Variants in SMAD1 observed in about 807,000 individuals in gnomAD.
SMAD1 encodes MAD, mothers against decapentaplegic homolog 1.
In SMAD1, 6 loss-of-function variants were observed where a neutral mutation model predicts 41.6. The observed-to-expected ratio is 0.14, with a 90% CI of 0.08 to 0.28. The LOEUF is 0.28. SMAD1 is among the 10% of genes least tolerant of loss of function. The probability of loss-of-function intolerance (pLI) is 1.00; values close to 1 mark genes in which losing one functional copy is unlikely to be tolerated. For missense variants in SMAD1, 379 were observed against 582.6 expected (o/e 0.65, Z 3.60); for synonymous variants, 206 against 203.2 (o/e 1.01, Z -0.12).
intron 4 of SMAD1, chr4:145,544,329 C>G (rs559300670): frequency 1.3e-5 from 2 of 152,404 alleles, no homozygotes; most frequent in East Asian, 1.9e-4. Flanking sequence ...CCTGTAATCC[C>G]TAGCACTTTG....
intron 2 of SMAD1, among the ~76,000 whole-genome samples, chr4:145,524,835 C>T (rs1204509018): frequency 6.7e-6 from 1 of 149,268 alleles, no homozygotes; most frequent in Non-Finnish European, 1.5e-5. Context: ...TTTTGAAAAC[C>T]ATAGAAAAAC....
At position 145,542,635 on chromosome 4, in the gene SMAD1, G is replaced by GGCA. The variant is rs1732010803; in HGVS notation, c.714_715insAGC (p.Ser239dup). 2 of 1,613,528 alleles carry GGCA rather than the reference G, an allele frequency of 1.2e-6. No individual in the cohort carries two copies. The highest frequency in any genetic ancestry group is 2.2e-5 in the South Asian group (2 of 90,916). ...TCCTGAAGACCCCATGACCCAGGAT[G>GGCA]GCTCTCAGCCGATGGACACAAACAT... On this transcript the variant is annotated inframe_insertion, in exon 4 of 7. Transcript: ENST00000302085.
chr4:145,490,825 A>G (rs1728732295), intron 1 of SMAD1, among the ~76,000 whole-genome samples: 1 of 152,250 alleles, frequency 6.6e-6, no homozygotes, highest in African/African-American at 2.4e-5. Flanking sequence ...TAATGATTTT[A>G]AAGGTTAAGT....
intron 2 of SMAD1, among the ~76,000 whole-genome samples, chr4:145,536,205 A>G (rs1731604140): frequency 6.6e-6 from 1 of 152,148 alleles, no homozygotes; most frequent in Non-Finnish European, 1.5e-5. Flanking sequence ...CTTGGATGTA[A>G]CAGCATAACC....
intron 2 of SMAD1, among the ~76,000 whole-genome samples, chr4:145,516,182 A>G (rs1052208009): frequency 2.5e-4 from 38 of 152,320 alleles, no homozygotes; most frequent in African/African-American, 8.2e-4. Flanking sequence ...TCTGACGCTT[A>G]TCATTCTCAT....
intron 1 of SMAD1, among the ~76,000 whole-genome samples, chr4:145,492,665 C>G (rs557697810): frequency 1.2e-4 from 19 of 152,320 alleles, no homozygotes; most frequent in Admixed American, 5.2e-4. Context: ...CCCCTTGCCC[C>G]CTCCCTTGAG....
chr4:145,539,242 T>G (rs1731787238), intron 2 of SMAD1, among the ~76,000 whole-genome samples: 1 of 152,228 alleles, frequency 6.6e-6, no homozygotes, highest in African/African-American at 2.4e-5. Context: ...CACCTCATAT[T>G]TTGTATAATT....
At chr4:145,545,473 T>C (rs1732192099) in intron 4 of SMAD1, 1 of 152,186 alleles carries the variant, frequency 6.6e-6, no homozygotes, top group Non-Finnish European at 1.5e-5. Flanking sequence ...GGGAAGATAG[T>C]GTATGTTTTT....
chr4:145,558,748 T>C lies in SMAD1; in HGVS notation c.*814T>C, dbSNP rs570927248. Among the ~76,000 whole-genome samples, 1 of 152,324 alleles carries C rather than the reference T, an allele frequency of 6.6e-6. No homozygotes were observed. The highest frequency in any genetic ancestry group is 2.1e-4 in the South Asian group (1 of 4,828). The stretch of plus-strand genomic sequence containing the variant: ...ATCATTTTTTTCTCTCTCGGCATTC[T>C]TTTTTCTCATACTCTTCAAAAAGCA... On this transcript the variant is annotated 3_prime_UTR_variant, in exon 7 of 7. Coordinates refer to ENST00000302085, the MANE Select transcript of SMAD1 (RefSeq NM_005900.3).
At chr4:145,544,227 C>T (rs1732116925) in intron 4 of SMAD1, 1 of 152,082 alleles carries the variant, frequency 6.6e-6, no homozygotes, top group Admixed American at 6.6e-5. Flanking sequence ...TGGAAAATCA[C>T]TCTGTCTTAT....
In SMAD1 at chr4:145,546,807, G is replaced by A. The variant is rs1732277746; in HGVS notation, c.880G>A (p.Val294Met). Reference sequence around the variant, plus strand: ...AGCGTTCCATGCCTCCTCCACAAGTGTGTTGGTGGATGGTTTCACTGATCC... The same window carrying A: ...AGCGTTCCATGCCTCCTCCACAAGTATGTTGGTGGATGGTTTCACTGATCC... The part of the protein sequence containing the change: ...GEAFHASSTS[V>M]LVDGFTDPSN... The change falls in exon 5 of 7, where the codon GTG becomes ATG. Residue 294 changes from valine (V) to methionine (M), a missense_variant. Physicochemically the swap from Val to Met is conservative, Grantham distance 21 (BLOSUM62 1). Coordinates refer to ENST00000302085, the MANE Select transcript of SMAD1 (RefSeq NM_005900.3). 1.2e-6 allele frequency: 2 copies of A among 1,613,644 alleles called. No individual in the cohort carries two copies. Among genetic ancestry groups the A allele is most frequent in the African/African-American group, 1.3e-5 (1 of 75,028 alleles).
intron 6 of SMAD1, among the ~76,000 whole-genome samples, chr4:145,555,402 C>T (rs1433855679): frequency 6.6e-6 from 1 of 152,064 alleles, no homozygotes; most frequent in African/African-American, 2.4e-5. Context: ...GTTTTTTCTG[C>T]CATTTTAACT....
At chr4:145,501,962 T>C (rs1729469063) in intron 1 of SMAD1, among the ~76,000 whole-genome samples, 1 of 152,186 alleles carries the variant, frequency 6.6e-6, no homozygotes, top group African/African-American at 2.4e-5. Context: ...TCAAACAATT[T>C]CGTTTATTAG....
chr4:145,510,093 G>A (rs1209780625), intron 1 of SMAD1, among the ~76,000 whole-genome samples: 1 of 152,150 alleles, frequency 6.6e-6, no homozygotes, highest in Admixed American at 6.5e-5. Context: ...TGCCATGACA[G>A]CTATTTATAA....
At chr4:145,481,503 A>G (rs963094895), upstream of SMAD1, 1 of 152,178 alleles carries the variant, frequency 6.6e-6, no homozygotes, top group African/African-American at 2.4e-5. Flanking sequence ...ATCGAAATTC[A>G]CTTGCAGATA....
rs1340306842 is a variant in SMAD1, at chr4:145,558,460, A to G, written c.*526A>G. Among the ~76,000 whole-genome samples, 1 of 152,188 alleles carries G rather than the reference A, an allele frequency of 6.6e-6. No individual in the cohort carries two copies. Among genetic ancestry groups the G allele is most frequent in the Admixed American group, 6.5e-5 (1 of 15,272 alleles). On this transcript the variant is annotated 3_prime_UTR_variant, in exon 7 of 7. Coordinates refer to ENST00000302085, the MANE Select transcript of SMAD1 (RefSeq NM_005900.3). Reference sequence around the variant, plus strand: ...AAGGTTAATCTTGATGATATACATAATAATCTTTCTAAAATTGTATGCTGA... The same window carrying G: ...AAGGTTAATCTTGATGATATACATAGTAATCTTTCTAAAATTGTATGCTGA...
rs553768536 is a variant in SMAD1, at chr4:145,504,464, G to A, written c.-176-9974G>A. 1.0e-3 allele frequency among the ~76,000 whole-genome samples: 158 copies of A among 152,250 alleles called. 2 individuals carry two copies. Among genetic ancestry groups the A allele is most frequent in the Admixed American group, 2.7e-3 (42 of 15,306 alleles). ...TATTTATCATTTTCCTTAAGGAGCT[G>A]TACAATAATCTTTCATGCTTTTTGT... On this transcript the variant is annotated intron_variant, in intron 1 of 6. Coordinates refer to ENST00000302085, the MANE Select transcript of SMAD1 (RefSeq NM_005900.3).
intron 2 of SMAD1, among the ~76,000 whole-genome samples, chr4:145,526,555 A>C (rs1178838647): frequency 6.6e-6 from 1 of 152,204 alleles, no homozygotes; most frequent in Non-Finnish European, 1.5e-5. Flanking sequence ...TGATGGGAGC[A>C]TGTCACAAGG....
At chr4:145,480,939 T>G (rs1324960975), upstream of SMAD1, among the ~76,000 whole-genome samples, 3 of 148,304 alleles carry the variant, frequency 2.0e-5, no homozygotes, top group African/African-American at 7.7e-5. Context: ...TTTTTTTTGC[T>G]TCATGTGAAA....
Sources: gnomAD v4.1 joint callset for allele counts (sites outside exome capture counted in the v4.1 genomes callset) on GRCh38, gnomAD v4.1.1 for gene constraint, MANE v1.5 for transcripts, NCBI Gene and HGNC (gene_info 2026-07-23, HGNC 2026-07-21) for gene names.